TTC28: variants seen among roughly 807,000 people sequenced by gnomAD.
TTC28 encodes tetratricopeptide repeat domain 28.
TTC28 carries 61 observed loss-of-function variants against 198.0 expected under a neutral mutation model. The ratio of observed to expected loss-of-function variants is 0.31; its 90% CI spans 0.25 to 0.38. The LOEUF is 0.38. TTC28 is among the 10% of genes least tolerant of loss of function. TTC28 has a pLI of 1.00. For missense variants in TTC28, 2,678 were observed against 3,164.0 expected, an observed-to-expected ratio of 0.85 and a Z score of 3.69; for synonymous variants, 1,171 against 1,297.8, an observed-to-expected ratio of 0.90 and a Z score of 2.10.
chr22:28,364,648 C>G (rs2046214956), intron 2 of TTC28, among the ~76,000 whole-genome samples: 1 of 152,120 alleles, frequency 6.6e-6, no homozygotes. Context: ...TCAATTCCAA[C>G]CCTCCTGGAT....
chr22:28,032,270 G>A (rs1302267482), intron 12 of TTC28, among the ~76,000 whole-genome samples: 93 of 64,420 alleles, frequency 1.4e-3, no homozygotes, highest in African/African-American at 4.8e-3. Flanking sequence ...TATATATAGT[G>A]TGTGTGTGTG....
At chr22:28,671,517 C>A (rs2051883660) in intron 1 of TTC28, among the ~76,000 whole-genome samples, 2 of 151,390 alleles carry the variant, frequency 1.3e-5, no homozygotes, top group Admixed American at 6.6e-5. Flanking sequence ...AGCCTGTAGT[C>A]CCAGCTACTC....
rs1200360918 is a variant in TTC28, at chr22:28,105,295, G to T, written c.3291C>A (p.Val1097=). ...TTCACCTACCTTCCTGTAAGTACAT[G>T]ACTGCTTGGGAATAGTTCTGCAAGG... The part of the protein sequence containing the change: ...HHALQNYSQA[V]MYLQEGLRLA... Residue 1097 remains valine, a synonymous_variant, in exon 8 of 23, where the codon GTC becomes GTA. Transcript: ENST00000397906. The T allele has an allele frequency of 6.4e-7, 1 of 1,551,450 alleles. No individual in the cohort carries two copies. Among genetic ancestry groups the T allele is most frequent in the Non-Finnish European group, 8.7e-7 (1 of 1,146,928 alleles).
intron 2 of TTC28, among the ~76,000 whole-genome samples, chr22:28,556,364 A>T (rs8137200): frequency 0.099 from 15,101 of 152,144 alleles, 851 homozygotes; most frequent in African/African-American, 0.12. Context: ...GTCTCAAAAA[A>T]AAAGCCCTAT....
chr22:28,263,251 T>G (rs1931446865), intron 5 of TTC28, among the ~76,000 whole-genome samples: 1 of 152,156 alleles, frequency 6.6e-6, no homozygotes, highest in Admixed American at 6.6e-5. Context: ...TCATTTAATC[T>G]CTTTAACAGG....
intron 14 of TTC28, among the ~76,000 whole-genome samples, chr22:28,011,781 G>A (rs1173644226): frequency 1.3e-5 from 2 of 152,072 alleles, no homozygotes; most frequent in Non-Finnish European, 2.9e-5. Flanking sequence ...TCAAAGAGGA[G>A]GTGACACCTC....
At position 28,139,294 on chromosome 22, in the gene TTC28, A is replaced by C. The variant is rs117241886; in HGVS notation, c.1441+23798T>G. 9.1e-3 allele frequency among the ~76,000 whole-genome samples: 1,384 copies of C among 152,314 alleles called. 4 individuals carry two copies. The highest frequency in any genetic ancestry group is 0.015 in the Non-Finnish European group (1,001 of 68,018). On this transcript the variant is annotated intron_variant, in intron 6 of 22. Coordinates refer to ENST00000397906, the MANE Select transcript of TTC28 (RefSeq NM_001145418.2). ...TATAATACATGAAACAACAGAAAACAAAACACAGTTTGTAAGAAAGTAGCA... is the reference window on the plus strand; with the variant it reads ...TATAATACATGAAACAACAGAAAACCAAACACAGTTTGTAAGAAAGTAGCA...
chr22:28,566,557 GA>G (rs1478370982), intron 2 of TTC28, among the ~76,000 whole-genome samples: 2 of 152,140 alleles, frequency 1.3e-5, no homozygotes, highest in African/African-American at 4.8e-5. Flanking sequence ...TGCTCGAAGA[GA>G]AATTTTCAAC....
chr22:28,041,104 C>T (rs1174045879), intron 12 of TTC28, among the ~76,000 whole-genome samples: 3 of 152,168 alleles, frequency 2.0e-5, no homozygotes, highest in Admixed American at 6.5e-5. Flanking sequence ...AATGGAAGAA[C>T]ATTCCATGCT....
At chr22:28,071,748 GAAAAAAAAA>G (rs371615737) in intron 12 of TTC28, among the ~76,000 whole-genome samples, 8 of 91,154 alleles carry the variant, frequency 8.8e-5, no homozygotes, top group Admixed American at 6.0e-4. Context: ...AAAAAAAAAG[GAAAAAAAAA>G]AAAAAAAAGA....
intron 2 of TTC28, among the ~76,000 whole-genome samples, chr22:28,538,814 G>A (rs1268459303): frequency 2.6e-5 from 4 of 151,910 alleles, no homozygotes; most frequent in South Asian, 2.1e-4. Context: ...CACCTGCCTC[G>A]GCCTCCCAAA....
At chr22:28,119,992 A>G (rs1942741855) in intron 6 of TTC28, among the ~76,000 whole-genome samples, 1 of 152,208 alleles carries the variant, frequency 6.6e-6, no homozygotes, top group South Asian at 2.1e-4. Context: ...ATGCATTAAG[A>G]AGACAGATTA....
At chr22:28,157,785 A>G (rs773372467) in intron 6 of TTC28, among the ~76,000 whole-genome samples, 8 of 152,206 alleles carry the variant, frequency 5.3e-5, no homozygotes, top group Non-Finnish European at 1.0e-4. Flanking sequence ...AAAGCCATAT[A>G]CAAGAGACCC....
At chr22:27,988,454 AT>A (rs1937288958) in intron 21 of TTC28, among the ~76,000 whole-genome samples, 1 of 151,678 alleles carries the variant, frequency 6.6e-6, no homozygotes, top group African/African-American at 2.4e-5. Flanking sequence ...TGCCTGGCTA[AT>A]TTTTGTATTT....
intron 2 of TTC28, among the ~76,000 whole-genome samples, chr22:28,335,730 G>C (rs1420074357): frequency 6.6e-6 from 1 of 152,180 alleles, no homozygotes; most frequent in Non-Finnish European, 1.5e-5. Flanking sequence ...AGCTTAAGAA[G>C]ATTTTGGGCT....
chr22:28,310,873 C>G (rs913778136), intron 2 of TTC28, among the ~76,000 whole-genome samples: 23 of 151,734 alleles, frequency 1.5e-4, no homozygotes, highest in African/African-American at 5.1e-4. Flanking sequence ...TCCACCTCCC[C>G]AGTTCAAGTG....
chr22:28,490,720 CAA>C (rs2048365804), intron 2 of TTC28, among the ~76,000 whole-genome samples: 1 of 152,178 alleles, frequency 6.6e-6, no homozygotes, highest in African/African-American at 2.4e-5. Context: ...GTAGGCCTGA[CAA>C]CAGCCTCAGG....
intron 2 of TTC28, chr22:28,629,289 T>C (rs2051130072): frequency 2.5e-6 from 1 of 401,000 alleles, no homozygotes; most frequent in Admixed American, 4.1e-5. Flanking sequence ...TGTATCTTAC[T>C]TATCAAGCGG....
intron 12 of TTC28, among the ~76,000 whole-genome samples, chr22:28,038,532 A>C (rs1347842352): frequency 6.6e-6 from 1 of 152,264 alleles, no homozygotes; most frequent in East Asian, 1.9e-4. Flanking sequence ...GATGGATTAA[A>C]GACTTAAATG....
Sources: allele counts gnomAD v4.1 joint callset (sites outside exome capture counted in the v4.1 genomes callset), GRCh38; gene constraint gnomAD v4.1.1; transcripts MANE v1.5; gene names NCBI Gene and HGNC (gene_info 2026-07-23, HGNC 2026-07-21).